Variants in CCDC169 observed in about 807,000 individuals in gnomAD.
The protein encoded by CCDC169 is coiled-coil domain-containing protein 169.
CCDC169 carries 30 observed loss-of-function variants against 36.0 expected under a neutral mutation model. The observed-to-expected ratio is 0.83, with a 90% confidence interval of 0.62 to 1.13. The LOEUF (loss-of-function observed/expected upper bound fraction) is 1.13. Ranked by LOEUF, CCDC169 falls within the 50% of genes most tolerant of loss-of-function variation. CCDC169 has a pLI of 0.00. For missense variants in CCDC169, 245 were observed against 245.9 expected (o/e 1.00, Z 0.03); for synonymous variants, 85 against 81.5 (o/e 1.04, Z -0.23).
chr13:36,271,212 C>A (rs1226002908), intron 4 of CCDC169, among the ~76,000 whole-genome samples: 2 of 152,006 alleles, frequency 1.3e-5, no homozygotes, highest in Non-Finnish European at 2.9e-5. Context: ...CACAAAGATG[C>A]TACCTTACTT....
At chr13:36,227,422 G>T, downstream of CCDC169, 2 of 1,472,138 alleles carry the variant, frequency 1.4e-6, no homozygotes, top group Non-Finnish European at 1.8e-6. Context: ...TAAGGACAGC[G>T]AAGGTACAAA....
intron 4 of CCDC169, 48 bp downstream of exon 4, chr13:36,283,421 C>A (rs1877785401): frequency 6.7e-7 from 1 of 1,486,056 alleles, no homozygotes; most frequent in East Asian, 2.5e-5. Context: ...AAAAAATAGA[C>A]ATAATTTCCT....
chr13:36,278,875 G>C (rs1255678564), intron 4 of CCDC169, among the ~76,000 whole-genome samples: 1 of 152,088 alleles, frequency 6.6e-6, no homozygotes, highest in Non-Finnish European at 1.5e-5. Flanking sequence ...ACTATCACCT[G>C]TGTAATACAC....
At chr13:36,244,321 G>A (rs1872221965) in intron 7 of CCDC169, 1 of 152,196 alleles carries the variant, frequency 6.6e-6, no homozygotes, top group African/African-American at 2.4e-5. Flanking sequence ...TTGAACACCT[G>A]TTTTCCTTCT....
At chr13:36,294,980 C>T (rs984293263) in intron 2 of CCDC169, among the ~76,000 whole-genome samples, 28 of 152,128 alleles carry the variant, frequency 1.8e-4, no homozygotes, top group African/African-American at 6.8e-4. Flanking sequence ...TTTATTTCTT[C>T]TTTCTCTGGA....
intron 7 of CCDC169, among the ~76,000 whole-genome samples, chr13:36,247,329 G>A (rs1872633145): frequency 6.6e-6 from 1 of 152,128 alleles, no homozygotes; most frequent in African/African-American, 2.4e-5. Context: ...CATGGATCAA[G>A]GAGTAATTTT....
intron 4 of CCDC169, among the ~76,000 whole-genome samples, chr13:36,277,881 G>A (rs1450193812): frequency 2.7e-5 from 4 of 150,874 alleles, no homozygotes; most frequent in African/African-American, 9.8e-5. Flanking sequence ...GGAAGCTGAC[G>A]TTGCAGTGAC....
chr13:36,294,163 G>A (rs1879216647), intron 2 of CCDC169, among the ~76,000 whole-genome samples: 1 of 152,114 alleles, frequency 6.6e-6, no homozygotes, highest in South Asian at 2.1e-4. Flanking sequence ...ACTAAGGAAA[G>A]AACTTTCTCT....
intron 4 of CCDC169, among the ~76,000 whole-genome samples, chr13:36,272,328 T>G (rs1876197128): frequency 6.6e-6 from 1 of 151,990 alleles, no homozygotes; most frequent in Non-Finnish European, 1.5e-5. Context: ...AGTCCCATGT[T>G]TCGCAGTAAT....
At chr13:36,283,343 TC>T (rs1229479628) in intron 4 of CCDC169, 125 bp downstream of exon 4, 18 of 871,826 alleles carry the variant, frequency 2.1e-5, no homozygotes, top group Non-Finnish European at 3.1e-5. Context: ...TTCAAACAGA[TC>T]CCTTGAACAA....
intron 4 of CCDC169, among the ~76,000 whole-genome samples, chr13:36,266,928 G>A (rs1239926459): frequency 1.3e-5 from 2 of 152,156 alleles, no homozygotes; most frequent in Non-Finnish European, 2.9e-5. Context: ...CATACTCCTA[G>A]TTTTAGAACT....
At chr13:36,260,803 A>G (rs546256685) in intron 4 of CCDC169, among the ~76,000 whole-genome samples, 35 of 152,258 alleles carry the variant, frequency 2.3e-4, no homozygotes, top group African/African-American at 7.7e-4. Flanking sequence ...ATCCCTCACA[A>G]ACTCTAGAAC....
intron 1 of CCDC169, among the ~76,000 whole-genome samples, chr13:36,296,352 C>G (rs1011570123): frequency 2.0e-5 from 3 of 152,188 alleles, no homozygotes; most frequent in African/African-American, 7.2e-5. Flanking sequence ...CTCGGCCTCC[C>G]AAAGTGCTGG....
intron 4 of CCDC169, among the ~76,000 whole-genome samples, chr13:36,265,063 G>T (rs1407275122): frequency 6.6e-6 from 1 of 152,114 alleles, no homozygotes; most frequent in Non-Finnish European, 1.5e-5. Context: ...CTTTCATAAT[G>T]GATTTGTCTA....
chr13:36,236,896 TCAAGTC>T (rs1477837939), intron 7 of CCDC169, among the ~76,000 whole-genome samples: 1 of 152,022 alleles, frequency 6.6e-6, no homozygotes, highest in Non-Finnish European at 1.5e-5. Context: ...TCACAGATGC[TCAAGTC>T]CCTTACATAA....
Position 36,297,767 on chromosome 13 carries a change from G to A in CCDC169, c.-48C>T. 6.5e-7 allele frequency: 1 copy of A among 1,526,846 alleles called. No homozygotes were observed. 94.6% of individuals were successfully genotyped at this position (1,526,846 alleles called of 1,614,324 possible). A position where few individuals can be genotyped will look rare whatever the true frequency, so the allele number is the denominator to read the frequency against. On this transcript the variant is annotated 5_prime_UTR_variant, in exon 1 of 8. Transcript: ENST00000239859. ...GCGTCTTTCCCCTCAGCACCTTAGA[G>A]CACAAGACATTAAGGGCCACCCAGA...
At chr13:36,248,486 T>C in intron 7 of CCDC169, 120 bp downstream of exon 7, 1 of 869,786 alleles carries the variant, frequency 1.1e-6, no homozygotes. Flanking sequence ...ATATGCAATT[T>C]TATATTGTTG....
chr13:36,295,404 A>T (rs976079323), intron 2 of CCDC169, among the ~76,000 whole-genome samples: 5 of 152,292 alleles, frequency 3.3e-5, no homozygotes, highest in Admixed American at 1.3e-4. Flanking sequence ...CAATAGCTAA[A>T]ACCTAGATAC....
chr13:36,234,262 C>T (rs1870800786), intron 7 of CCDC169, among the ~76,000 whole-genome samples: 2 of 152,044 alleles, frequency 1.3e-5, no homozygotes, highest in Admixed American at 6.6e-5. Context: ...AAATATGATT[C>T]ATGTCTGTGA....
Sources: allele counts gnomAD v4.1 joint callset (sites outside exome capture counted in the v4.1 genomes callset), GRCh38; gene constraint gnomAD v4.1.1; transcripts MANE v1.5; gene names NCBI Gene and HGNC (gene_info 2026-07-23, HGNC 2026-07-21).